The following POU2F1 variants were observed in gnomAD, a reference collection of about 807,000 sequenced individuals.
The protein encoded by POU2F1 is POU domain, class 2, transcription factor 1.
A neutral mutation model predicts 84.9 loss-of-function variants in POU2F1; 16 were observed. That is an observed-to-expected ratio of 0.19 (90% CI 0.13 to 0.29). The LOEUF is 0.29. Ranked by LOEUF, POU2F1 falls within the 10% of genes least tolerant of loss-of-function variation. POU2F1 has a pLI of 1.00. For missense variants in POU2F1, 738 were observed against 942.6 expected (o/e 0.78, Z 2.84); for synonymous variants, 368 against 368.3 (o/e 1.00, Z 0.01).
intron 13 of POU2F1, among the ~76,000 whole-genome samples, chr1:167,404,747 C>T (rs1409167910): frequency 2.0e-5 from 3 of 152,170 alleles, no homozygotes; most frequent in African/African-American, 7.2e-5. Flanking sequence ...TGTGAGGCTC[C>T]ATCAGAGTGA....
At position 167,340,423 on chromosome 1, in the gene POU2F1, CT is replaced by C. The variant is rs1242847092; in HGVS notation, c.127+7895del. The stretch of plus-strand genomic sequence containing the variant: ...CTTTGAGCTATGTTGTTTCTTTTTT[CT>C]TTTTTTCTTTTTTTTTTTTTTTTTG... On this transcript the variant is annotated intron_variant, in intron 2 of 15. Coordinates refer to ENST00000367866, the MANE Select transcript of POU2F1 (RefSeq NM_002697.4). 2.2e-5 allele frequency among the ~76,000 whole-genome samples: 3 copies of C among 136,510 alleles called. No individual in the cohort carries two copies. In the South Asian group the frequency reaches 6.6e-4, roughly 30 times the overall value. The allele number at this position is 136,510 out of a possible 152,430, so 89.6% of individuals were successfully genotyped here.
rs182772041 is a variant in POU2F1, at chr1:167,262,650, A to G, written c.61+41692A>G. ...ATGAAGAAAAATCATTCAATGTAGAATGTGGTGAGTCACAAAGCCCCTGGG... is the reference window on the plus strand; with the variant it reads ...ATGAAGAAAAATCATTCAATGTAGAGTGTGGTGAGTCACAAAGCCCCTGGG... On this transcript the variant is annotated intron_variant, in intron 1 of 15. Coordinates refer to ENST00000367866, the MANE Select transcript of POU2F1 (RefSeq NM_002697.4). Among the ~76,000 whole-genome samples, 24 of 152,336 alleles carry G rather than the reference A, an allele frequency of 1.6e-4. No homozygotes were observed. In the East Asian group the frequency reaches 3.7e-3, roughly 23 times the overall value.
At chr1:167,281,064 A>G (rs1051875218) in intron 1 of POU2F1, among the ~76,000 whole-genome samples, 1 of 152,204 alleles carries the variant, frequency 6.6e-6, no homozygotes. Context: ...TTACATCCCC[A>G]TAGGAAGAGG....
chr1:167,352,729 A>T (rs1658662574), intron 2 of POU2F1, among the ~76,000 whole-genome samples: 1 of 152,324 alleles, frequency 6.6e-6, no homozygotes, highest in Non-Finnish European at 1.5e-5. Context: ...AATCATGTGG[A>T]TGTACCCTTT....
chr1:167,423,553 A>C lies in POU2F1; in HGVS notation c.*7743A>C, dbSNP rs930058204. On this transcript the variant is annotated 3_prime_UTR_variant, in exon 16 of 16. Transcript: ENST00000367866. The stretch of plus-strand genomic sequence containing the variant: ...GGAACACCACTTTGAGCACAGAAAC[A>C]AAGGTCCCTTGGACCTGGTAGGGAA... 1 of 152,216 alleles carries C rather than the reference A, an allele frequency of 6.6e-6. No homozygotes were observed. Among genetic ancestry groups the C allele is most frequent in the East Asian group, 1.9e-4 (1 of 5,200 alleles). The allele number at this position is 152,216 out of a possible 1,614,324, so 9.4% of individuals were successfully genotyped here.
intron 1 of POU2F1, chr1:167,328,933 A>T: frequency 2.9e-6 from 2 of 686,072 alleles, no homozygotes; most frequent in Non-Finnish European, 3.7e-6. Context: ...ATTAAGCTTC[A>T]TTATGGAAAC....
chr1:167,345,034 G>T (rs909330888), intron 2 of POU2F1, among the ~76,000 whole-genome samples: 1 of 152,150 alleles, frequency 6.6e-6, no homozygotes, highest in African/African-American at 2.4e-5. Context: ...GACACAGGGA[G>T]GGGAACATCA....
rs372199293 is a variant in POU2F1 at position 167,323,721 on chromosome 1, TTCTC to T, written c.62-8745_62-8742del. On this transcript the variant is annotated intron_variant, in intron 1 of 15. Coordinates refer to ENST00000367866, the MANE Select transcript of POU2F1 (RefSeq NM_002697.4). ...TTATTTATTTATTTACAGATGGAGT[TTCTC>T]TCTGTCACCCAGGCAGGAGTGCAGT... Among the ~76,000 whole-genome samples, 69 of 152,296 alleles carry T rather than the reference TTCTC, an allele frequency of 4.5e-4. 1 individual carries two copies. Among genetic ancestry groups the T allele is most frequent in the African/African-American group, 1.6e-3 (67 of 41,558 alleles).
chr1:167,319,350 G>T (rs1327145428), intron 1 of POU2F1, among the ~76,000 whole-genome samples: 1 of 152,096 alleles, frequency 6.6e-6, no homozygotes, highest in African/African-American at 2.4e-5. Flanking sequence ...TTTGCAGCTG[G>T]TTTCTGTAGA....
intron 6 of POU2F1, among the ~76,000 whole-genome samples, chr1:167,375,600 G>T (rs181502402): frequency 3.9e-5 from 6 of 152,310 alleles, no homozygotes; most frequent in African/African-American, 1.4e-4. Flanking sequence ...GTTGTCAAAT[G>T]TCATAAGTCA....
In POU2F1 at chr1:167,363,267, G is replaced by T. The variant is rs534568998; in HGVS notation, c.128-2200G>T. Among the ~76,000 whole-genome samples the T allele has an allele frequency of 7.2e-3, 1,098 of 152,152 alleles. 6 individuals are homozygous for T. The highest frequency in any genetic ancestry group is 0.011 in the South Asian group (55 of 4,806). On this transcript the variant is annotated intron_variant, in intron 2 of 15. Transcript: ENST00000367866. Reference sequence around the variant, plus strand: ...GGTTCTGGAAGACCTCCTATTAGTAGTGTGTTAATCTTTTAAGTGCTTGTC... The same window carrying T: ...GGTTCTGGAAGACCTCCTATTAGTATTGTGTTAATCTTTTAAGTGCTTGTC...
chr1:167,376,231 C>T, intron 7 of POU2F1, 76 bp downstream of exon 7: 1 of 1,443,320 alleles, frequency 6.9e-7, no homozygotes, highest in Non-Finnish European at 9.3e-7. Flanking sequence ...GAACTACTAT[C>T]ATTTTGGCCC....
In POU2F1 at chr1:167,425,480, G is replaced by C. The variant is rs1270814968; in HGVS notation, c.*9670G>C. On this transcript the variant is annotated 3_prime_UTR_variant, in exon 16 of 16. Transcript: ENST00000367866. The stretch of plus-strand genomic sequence containing the variant: ...GGTCCAGCACAGGTGCATGCCCCTA[G>C]CTTTGGCCCTCACAAACTTGTGAGC... 2 of 152,260 alleles carry C rather than the reference G, an allele frequency of 1.3e-5. No homozygotes were observed. Among genetic ancestry groups the C allele is most frequent in the African/African-American group, 4.8e-5 (2 of 41,462 alleles). 9.4% of individuals were successfully genotyped at this position (152,260 alleles called of 1,614,324 possible).
chr1:167,338,809 C>T (rs1310985458), intron 2 of POU2F1, among the ~76,000 whole-genome samples: 7 of 152,230 alleles, frequency 4.6e-5, no homozygotes, highest in South Asian at 2.1e-4. Context: ...TTTATGCATT[C>T]ATTTGTTAAT....
At chr1:167,378,556 G>A (rs903023758) in intron 7 of POU2F1, among the ~76,000 whole-genome samples, 1 of 151,876 alleles carries the variant, frequency 6.6e-6, no homozygotes, top group Non-Finnish European at 1.5e-5. Flanking sequence ...ATAGGCGCCC[G>A]CCACTATGCT....
intron 1 of POU2F1, among the ~76,000 whole-genome samples, chr1:167,326,549 G>A (rs1192169090): frequency 6.6e-6 from 1 of 152,170 alleles, no homozygotes; most frequent in East Asian, 1.9e-4. Flanking sequence ...GGGTACCTAG[G>A]TCAAGGGTGG....
intron 2 of POU2F1, among the ~76,000 whole-genome samples, chr1:167,346,439 A>G (rs1050685648): frequency 1.3e-5 from 2 of 152,218 alleles, no homozygotes; most frequent in Admixed American, 1.3e-4. Flanking sequence ...ATACCTATCC[A>G]TTCTATAGAT....
At chr1:167,256,097 T>C (rs1173438249) in intron 1 of POU2F1, among the ~76,000 whole-genome samples, 4 of 152,222 alleles carry the variant, frequency 2.6e-5, no homozygotes. Context: ...CAGTCACAGC[T>C]TTTGCTTTTG....
At chr1:167,372,141 A>G (rs1660045955) in intron 5 of POU2F1, 105 bp downstream of exon 5, 2 of 1,411,624 alleles carry the variant, frequency 1.4e-6, no homozygotes, top group East Asian at 2.4e-5. Flanking sequence ...TAACATGGCT[A>G]TGCCTGGCAC....
Sources: gnomAD v4.1 joint callset for allele counts (sites outside exome capture counted in the v4.1 genomes callset) on GRCh38, gnomAD v4.1.1 for gene constraint, MANE v1.5 for transcripts, NCBI Gene and HGNC (gene_info 2026-07-23, HGNC 2026-07-21) for gene names.